SHLD2: variants seen among roughly 807,000 people sequenced by gnomAD.
SHLD2 encodes the protein shieldin complex subunit 2, also known as RINN1-REV7-interacting novel NHEJ regulator 2.
In SHLD2, 30 loss-of-function variants were observed where a neutral mutation model predicts 73.2. The observed-to-expected ratio is 0.41, with a 90% CI of 0.31 to 0.56. The LOEUF (loss-of-function observed/expected upper bound fraction) is 0.56. Ranked by LOEUF, SHLD2 falls within the 20% of genes least tolerant of loss-of-function variation. SHLD2 has a pLI of 0.28. For synonymous variants in SHLD2, 285 were observed against 370.1 expected, an observed-to-expected ratio of 0.77 and a Z score of 2.64; for missense variants, 745 against 1,055.9, an observed-to-expected ratio of 0.71 and a Z score of 4.08.
At chr10:87,132,213 G>T in intron 2 of SHLD2, among the ~76,000 whole-genome samples, 2 of 152,056 alleles carry the variant, frequency 1.3e-5, no homozygotes, top group Admixed American at 6.6e-5. Flanking sequence ...TTCTATGGTT[G>T]TGATGTAATG....
In SHLD2 at chr10:87,097,844, C is replaced by T. The variant is rs372136326; in HGVS notation, c.-6+855C>T. On this transcript the variant is annotated intron_variant, in intron 2 of 9. Coordinates refer to ENST00000298786, the MANE Select transcript of SHLD2 (RefSeq NM_001330112.2). ...GTGCAATCTCAGCTCACTGCAGCCT[C>T]TGCCTCCCAGGTTCCAGTGATTCTC... 5.2e-4 allele frequency among the ~76,000 whole-genome samples: 79 copies of T among 152,210 alleles called. No individual in the cohort carries two copies. The Middle Eastern group carries it at 0.014, about 26-fold the overall frequency.
Position 87,152,825 on chromosome 10 carries a change from A to G in SHLD2, c.1471A>G (p.Thr491Ala), listed in dbSNP as rs1278005097. 6.2e-7 allele frequency: 1 copy of G among 1,611,774 alleles called. No individual in the cohort carries two copies. The change falls in exon 3 of 10, where the codon ACT becomes GCT. Residue 491 changes from threonine to alanine, a missense_variant. Thr to Ala is a moderately conservative substitution (Grantham distance 58). Coordinates refer to ENST00000298786, the MANE Select transcript of SHLD2 (RefSeq NM_001330112.2). ...TAAGAAGAAGGTTTTTCTGTGGAGG[A>G]CTGCAGCATTTTGGGCATTTACAGT... ...ETKKKVFLWR[T>A]AAFWAFTVFL...
At chr10:87,188,527 A>G (rs1254581502) in intron 9 of SHLD2, among the ~76,000 whole-genome samples, 1 of 152,174 alleles carries the variant, frequency 6.6e-6, no homozygotes, top group Non-Finnish European at 1.5e-5. Context: ...CCCCAGTCTT[A>G]TGAGCACCTG....
chr10:87,147,064 AAAAAAAAGAAAAAAAAAAAAAAAAC>A, intron 2 of SHLD2, among the ~76,000 whole-genome samples: 1 of 145,906 alleles, frequency 6.9e-6, no homozygotes, highest in Non-Finnish European at 1.5e-5. Flanking sequence ...CTCAAAAAAA[AAAAAAAAGAAAAAAAAAAAAAAAAC>A]AAAAAAACCT....
At chr10:87,157,999 C>T (rs752893852) in intron 3 of SHLD2, 49 bp from the exon 4 acceptor site, 11 of 1,545,738 alleles carry the variant, frequency 7.1e-6, no homozygotes, top group Non-Finnish European at 9.8e-6. Flanking sequence ...AGGTTAACCA[C>T]ATTGTGAAGG....
chr10:87,162,830 G>A (rs1435223656), intron 4 of SHLD2, among the ~76,000 whole-genome samples: 1 of 152,166 alleles, frequency 6.6e-6, no homozygotes, highest in African/African-American at 2.4e-5. Flanking sequence ...AGCACATTCT[G>A]TTGGCGCAAC....
chr10:87,094,508 C>T, upstream of SHLD2: 4 of 1,613,352 alleles, frequency 2.5e-6, no homozygotes, highest in Non-Finnish European at 3.4e-6. This position sits in a 1 kb window ranked among gnomAD's most constrained non-coding sequence, Gnocchi z 6.6. Flanking sequence ...GTCCTCAGGT[C>T]CTCCACCAGC....
At chr10:87,124,976 C>T (rs1031366539) in intron 2 of SHLD2, among the ~76,000 whole-genome samples, 7 of 152,102 alleles carry the variant, frequency 4.6e-5, no homozygotes, top group African/African-American at 7.2e-5. Flanking sequence ...CTCCTGGGTT[C>T]AGGTGATCCT....
At chr10:87,153,358 A>G (rs1846150730) in intron 3 of SHLD2, among the ~76,000 whole-genome samples, 1 of 152,162 alleles carries the variant, frequency 6.6e-6, no homozygotes, top group Non-Finnish European at 1.5e-5. Context: ...GTGAGCTTTG[A>G]TTGGGCCACT....
intron 2 of SHLD2, among the ~76,000 whole-genome samples, chr10:87,098,146 A>G (rs1045371814): frequency 6.6e-6 from 1 of 152,188 alleles, no homozygotes; most frequent in African/African-American, 2.4e-5. Context: ...GAAATTATCC[A>G]TCTCTTCCCC....
In SHLD2 at chr10:87,187,157, G is replaced by A; in HGVS notation, c.2472G>A (p.Lys824=). ...CIRVESKLIE[K]ILLNISADCL... is the part of the protein sequence containing the mutation. Reference sequence around the variant, plus strand: ...GTGTAGAATCAAAGCTGATAGAGAAGATTCTTCTCAACATTTCTGCAGACT... The same window carrying A: ...GTGTAGAATCAAAGCTGATAGAGAAAATTCTTCTCAACATTTCTGCAGACT... Residue 824 remains lysine (K), a synonymous_variant, in exon 9 of 10, where the codon AAG becomes AAA. Transcript: ENST00000298786. 6.2e-7 allele frequency: 1 copy of A among 1,613,244 alleles called. No individual in the cohort carries two copies. Among genetic ancestry groups the A allele is most frequent in the Non-Finnish European group, 8.5e-7 (1 of 1,179,288 alleles).
intron 4 of SHLD2, among the ~76,000 whole-genome samples, chr10:87,169,774 A>G (rs1409991225): frequency 6.6e-6 from 1 of 152,144 alleles, no homozygotes; most frequent in Non-Finnish European, 1.5e-5. Flanking sequence ...GAGAAAAAAA[A>G]TGAGACAGGA....
chr10:87,124,671 T>TA (rs1843859337), intron 2 of SHLD2, among the ~76,000 whole-genome samples: 1 of 152,210 alleles, frequency 6.6e-6, no homozygotes, highest in Non-Finnish European at 1.5e-5. Flanking sequence ...CTCAACTTCT[T>TA]ACATTTGTTT....
At chr10:87,125,616 C>A (rs1348404971) in intron 2 of SHLD2, among the ~76,000 whole-genome samples, 1 of 151,080 alleles carries the variant, frequency 6.6e-6, no homozygotes, top group African/African-American at 2.4e-5. Context: ...GGGTGCCTGT[C>A]ATCCCAGCTA....
At chr10:87,097,516 C>T (rs1841980457) in intron 2 of SHLD2, among the ~76,000 whole-genome samples, 1 of 151,932 alleles carries the variant, frequency 6.6e-6, no homozygotes, top group Non-Finnish European at 1.5e-5. Context: ...ACCACTTGAA[C>T]CAGGGAGAGA....
At chr10:87,102,663 C>G (rs368323341) in intron 2 of SHLD2, among the ~76,000 whole-genome samples, 1 of 151,718 alleles carries the variant, frequency 6.6e-6, no homozygotes, top group African/African-American at 2.4e-5. Flanking sequence ...GAGCTGAGAT[C>G]GTGCCACTGA....
At chr10:87,145,359 G>A (rs896405373) in intron 2 of SHLD2, among the ~76,000 whole-genome samples, 6 of 152,140 alleles carry the variant, frequency 3.9e-5, no homozygotes, top group Non-Finnish European at 7.3e-5. Context: ...ACAAGGGATA[G>A]TATAATGAAC....
intron 2 of SHLD2, among the ~76,000 whole-genome samples, chr10:87,100,721 G>A (rs370697658): frequency 6.6e-6 from 1 of 152,042 alleles, no homozygotes; most frequent in East Asian, 1.9e-4. Flanking sequence ...CAGGTGATCC[G>A]CCCGCCTCGG....
chr10:87,148,211 C>T (rs915492966), intron 2 of SHLD2, among the ~76,000 whole-genome samples: 11 of 152,174 alleles, frequency 7.2e-5, no homozygotes, highest in Non-Finnish European at 1.6e-4. Flanking sequence ...CTCCTTAAAG[C>T]TCTCTATTAT....
Sources: allele counts gnomAD v4.1 joint callset (sites outside exome capture counted in the v4.1 genomes callset), GRCh38; gene constraint gnomAD v4.1.1; non-coding constraint Gnocchi (gnomAD v3.1); transcripts MANE v1.5; gene names NCBI Gene and HGNC (gene_info 2026-07-23, HGNC 2026-07-21).